Variants in PSD3 observed in about 807,000 individuals in gnomAD.
PSD3 encodes PH and SEC7 domain-containing protein 3.
A neutral mutation model predicts 105.5 loss-of-function variants in PSD3; 49 were observed. The ratio of observed to expected loss-of-function variants is 0.46; its 90% confidence interval spans 0.37 to 0.59. The LOEUF (loss-of-function observed/expected upper bound fraction) is 0.59. PSD3 is among the 20% of genes least tolerant of loss of function. The pLI is 0.00. For missense variants in PSD3, 1,561 were observed against 1,263.8 expected (o/e 1.24, Z -3.57); for synonymous variants, 557 against 457.8 (o/e 1.22, Z -2.77).
intron 1 of PSD3, among the ~76,000 whole-genome samples, chr8:19,062,623 C>A (rs1828941762): frequency 6.6e-6 from 1 of 151,994 alleles, no homozygotes. Context: ...AAGGGAAAAC[C>A]AGTATTATTT....
intron 14 of PSD3, among the ~76,000 whole-genome samples, chr8:18,568,759 G>C (rs1273228428): frequency 2.0e-5 from 3 of 151,756 alleles, no homozygotes; most frequent in Admixed American, 6.6e-5. Flanking sequence ...ACAATGTGCA[G>C]GTTAGTTACA....
At chr8:18,995,954 T>C (rs554613702) in intron 1 of PSD3, among the ~76,000 whole-genome samples, 1 of 151,976 alleles carries the variant, frequency 6.6e-6, no homozygotes, top group East Asian at 1.9e-4. Context: ...CCAGCATCCG[T>C]AGCATCACCT....
chr8:18,896,788 A>T (rs1222911284), intron 2 of PSD3, among the ~76,000 whole-genome samples: 1 of 151,096 alleles, frequency 6.6e-6, no homozygotes, highest in African/African-American at 2.4e-5. Flanking sequence ...TCCCACTAGC[A>T]TTTTTTTATG....
At chr8:18,591,190 C>G (rs1803578469) in intron 12 of PSD3, among the ~76,000 whole-genome samples, 1 of 152,166 alleles carries the variant, frequency 6.6e-6, no homozygotes, top group African/African-American at 2.4e-5. Flanking sequence ...ATCTTACCCA[C>G]ATCAACCCCT....
At chr8:18,721,772 T>C (rs1429481555) in intron 9 of PSD3, among the ~76,000 whole-genome samples, 1 of 152,202 alleles carries the variant, frequency 6.6e-6, no homozygotes, top group Non-Finnish European at 1.5e-5. Context: ...CTGATCACAC[T>C]TCTTTACCCA....
At chr8:19,007,112 G>A (rs548564465) in intron 1 of PSD3, among the ~76,000 whole-genome samples, 1 of 152,116 alleles carries the variant, frequency 6.6e-6, no homozygotes, top group South Asian at 2.1e-4. Context: ...AAACAGCCAG[G>A]CATGATTGGT....
At chr8:18,800,786 G>A (rs1040015826) in intron 7 of PSD3, among the ~76,000 whole-genome samples, 4 of 152,196 alleles carry the variant, frequency 2.6e-5, no homozygotes, top group African/African-American at 9.7e-5. Context: ...GCAACCACCA[G>A]TGAGATTTGT....
intron 1 of PSD3, among the ~76,000 whole-genome samples, chr8:19,030,267 T>C (rs537337500): frequency 6.8e-4 from 103 of 152,326 alleles, no homozygotes; most frequent in Admixed American, 2.7e-3. Context: ...TTTGGTGAAT[T>C]ACACGATTAG....
chr8:18,904,018 T>C (rs1296403741), intron 2 of PSD3, among the ~76,000 whole-genome samples: 1 of 152,134 alleles, frequency 6.6e-6, no homozygotes, highest in African/African-American at 2.4e-5. Flanking sequence ...CACCCGAAAC[T>C]GAGTAATTTA....
At chr8:18,915,892 T>C (rs1402131600) in intron 2 of PSD3, among the ~76,000 whole-genome samples, 3 of 151,982 alleles carry the variant, frequency 2.0e-5, no homozygotes, top group African/African-American at 7.3e-5. Flanking sequence ...GGTTGGGAGT[T>C]AGAGACCAGC....
At chr8:18,777,827 T>G (rs890519375) in intron 8 of PSD3, among the ~76,000 whole-genome samples, 12 of 152,176 alleles carry the variant, frequency 7.9e-5, no homozygotes, top group African/African-American at 2.7e-4. Flanking sequence ...CAGCCTCTGG[T>G]AAATATCATT....
chr8:18,731,230 T>G (rs1803727316), intron 9 of PSD3, among the ~76,000 whole-genome samples: 1 of 152,204 alleles, frequency 6.6e-6, no homozygotes, highest in South Asian at 2.1e-4. Flanking sequence ...CACTCTTGCC[T>G]GGGTGACAAG....
chr8:18,713,940 A>G (rs1802413292), intron 9 of PSD3, among the ~76,000 whole-genome samples: 1 of 152,220 alleles, frequency 6.6e-6, no homozygotes. Context: ...AGACACATAG[A>G]CCAATGGAAC....
intron 10 of PSD3, among the ~76,000 whole-genome samples, 176 bp from the exon 11 acceptor site, chr8:18,632,982 G>T (rs1300408960): frequency 6.6e-6 from 1 of 151,988 alleles, no homozygotes; most frequent in Non-Finnish European, 1.5e-5. Flanking sequence ...AGGTGTTAAT[G>T]ATCATGGCAA....
rs111716542 is a variant in PSD3, at chr8:18,926,166, C to T, written c.130+9868G>A. On this transcript the variant is annotated intron_variant, in intron 2 of 15. Transcript: ENST00000327040. The stretch of plus-strand genomic sequence containing the variant: ...GTGTGAATCAGTGTTAGAAAATGAT[C>T]GCTTCTTAGAAGAATATACATTCAG... Among the ~76,000 whole-genome samples, 9 of 151,172 alleles carry T rather than the reference C, an allele frequency of 6.0e-5. 1 individual carries two copies. The highest frequency in any genetic ancestry group is 1.5e-4 in the African/African-American group (6 of 41,190).
In PSD3 at chr8:18,532,226, A is replaced by T. The variant is rs145189067; in HGVS notation, c.*3517T>A. Reference sequence around the variant, plus strand: ...AAAGGACAGTAGAAAAGCTCAGTGTAACTTTGTGTTTAGGCAGTAAGAGGC... The same window carrying T: ...AAAGGACAGTAGAAAAGCTCAGTGTTACTTTGTGTTTAGGCAGTAAGAGGC... On this transcript the variant is annotated 3_prime_UTR_variant, in exon 16 of 16. Coordinates refer to ENST00000327040, the MANE Select transcript of PSD3 (RefSeq NM_015310.4). 6.6e-6 allele frequency: 1 copy of T among 152,354 alleles called. No homozygotes were observed. Among genetic ancestry groups the T allele is most frequent in the African/African-American group, 2.4e-5 (1 of 41,578 alleles). 9.4% of individuals were successfully genotyped at this position (152,354 alleles called of 1,614,324 possible).
chr8:18,657,267 A>G (rs1808971660), intron 9 of PSD3, among the ~76,000 whole-genome samples: 1 of 152,220 alleles, frequency 6.6e-6, no homozygotes, highest in Non-Finnish European at 1.5e-5. Context: ...CACCAATAGT[A>G]AATTCACTTT....
At position 18,898,772 on chromosome 8, in the gene PSD3, T is replaced by C. The variant is rs139350353; in HGVS notation, c.131-26039A>G. Among the ~76,000 whole-genome samples, 10 of 152,210 alleles carry C rather than the reference T, an allele frequency of 6.6e-5. No individual in the cohort carries two copies. In the East Asian group the frequency reaches 1.5e-3, roughly 24 times the overall value. On this transcript the variant is annotated intron_variant, in intron 2 of 15. Coordinates refer to ENST00000327040, the MANE Select transcript of PSD3 (RefSeq NM_015310.4). ...TTCATTAAGTGGAAATGAATCATCA[T>C]AAAGGTCTTCATCCTCAATTTCTCA...
At chr8:18,957,968 A>T (rs1180330656) in intron 1 of PSD3, among the ~76,000 whole-genome samples, 1 of 152,118 alleles carries the variant, frequency 6.6e-6, no homozygotes, top group African/African-American at 2.4e-5. Context: ...GAAGATAATT[A>T]AGCTATTGCT....
Sources: allele counts gnomAD v4.1 joint callset (sites outside exome capture counted in the v4.1 genomes callset), GRCh38; gene constraint gnomAD v4.1.1; transcripts MANE v1.5; gene names NCBI Gene and HGNC (gene_info 2026-07-23, HGNC 2026-07-21).